The following DAB1 variants were observed in gnomAD, a reference collection of about 807,000 sequenced individuals.
DAB1 encodes the protein DAB adaptor protein 1.
A neutral mutation model predicts 64.6 loss-of-function variants in DAB1; 15 were observed. The ratio of observed to expected loss-of-function variants is 0.23; its 90% CI spans 0.16 to 0.36. The LOEUF is 0.36. Ranked by LOEUF, DAB1 falls within the 10% of genes least tolerant of loss-of-function variation. The probability of loss-of-function intolerance (pLI) is 1.00; values close to 1 mark genes in which losing one functional copy is unlikely to be tolerated. For synonymous variants in DAB1, 235 were observed against 251.9 expected (o/e 0.93, Z 0.64); for missense variants, 596 against 706.7 (o/e 0.84, Z 1.78).
intron 1 of DAB1, among the ~76,000 whole-genome samples, chr1:57,360,058 T>C (rs1679425455): frequency 1.3e-5 from 2 of 152,002 alleles, no homozygotes; most frequent in African/African-American, 2.4e-5. Context: ...TAACAATAAA[T>C]TGTATTCTTG....
At chr1:57,540,423 C>T (rs919383712) in intron 7 of DAB1, among the ~76,000 whole-genome samples, 16 of 152,242 alleles carry the variant, frequency 1.1e-4, no homozygotes, top group African/African-American at 3.9e-4. Flanking sequence ...AACTACCATA[C>T]GATCCAGCAA....
At chr1:58,247,119 A>T (rs12083021) in intron 4 of DAB1, among the ~76,000 whole-genome samples, 14,668 of 152,120 alleles carry the variant, frequency 0.096, 758 homozygotes, top group African/African-American at 0.15. Flanking sequence ...ACTGGAGGCC[A>T]GGAGATGAGC....
intron 9 of DAB1, among the ~76,000 whole-genome samples, chr1:57,029,578 G>T (rs983429026): frequency 1.6e-4 from 24 of 152,168 alleles, no homozygotes; most frequent in Admixed American, 1.5e-3. Context: ...AAGCAGCTGG[G>T]AGGGAGGCTG....
At chr1:57,271,853 A>G (rs751026164) in intron 2 of DAB1, among the ~76,000 whole-genome samples, 1 of 152,128 alleles carries the variant, frequency 6.6e-6, no homozygotes, top group Non-Finnish European at 1.5e-5. Flanking sequence ...TGATTGTTCC[A>G]AACTCTTGAA....
intron 7 of DAB1, among the ~76,000 whole-genome samples, chr1:57,622,233 T>C (rs1645868638): frequency 1.3e-5 from 2 of 152,182 alleles, no homozygotes; most frequent in Non-Finnish European, 2.9e-5. Flanking sequence ...GAGAGACTCT[T>C]ACTTCGGGTT....
intron 1 of DAB1, among the ~76,000 whole-genome samples, chr1:57,293,993 T>A (rs1353793996): frequency 6.6e-6 from 1 of 152,156 alleles, no homozygotes; most frequent in African/African-American, 2.4e-5. Flanking sequence ...AAAACTTAAA[T>A]AAGGAAGCTA....
chr1:58,322,291 G>A (rs1274124564), intron 4 of DAB1, among the ~76,000 whole-genome samples: 2 of 152,148 alleles, frequency 1.3e-5, no homozygotes, highest in African/African-American at 4.8e-5. Context: ...ACTACTATCA[G>A]AGTGAACAGG....
intron 1 of DAB1, among the ~76,000 whole-genome samples, chr1:57,292,672 A>C (rs1672869945): frequency 6.6e-6 from 1 of 152,194 alleles, no homozygotes; most frequent in Non-Finnish European, 1.5e-5. Context: ...AATATTTAGT[A>C]AGAATCTGCT....
In DAB1 at chr1:58,075,116, C is replaced by T. The variant is rs1649558675; in HGVS notation, n.387+75395G>A. Among the ~76,000 whole-genome samples, 3 of 152,188 alleles carry T rather than the reference C, an allele frequency of 2.0e-5. No individual in the cohort carries two copies. In the South Asian group the frequency reaches 6.2e-4, roughly 32 times the overall value. On this transcript the variant is annotated intron_variant and non_coding_transcript_variant, in intron 5 of 20. Transcript: ENST00000485760. ...TTCTCTGGATTCTAAAAGCTTGTCC[C>T]AGCCAATTAAATTCCAACCACCTAG... is the stretch of plus-strand genomic sequence containing the variant.
At chr1:57,005,925 G>C (rs956502600) in intron 14 of DAB1, among the ~76,000 whole-genome samples, 3 of 152,138 alleles carry the variant, frequency 2.0e-5, no homozygotes, top group African/African-American at 7.2e-5. Context: ...GTAAGTGAAA[G>C]GTATCATGAT....
intron 4 of DAB1, among the ~76,000 whole-genome samples, chr1:57,093,254 T>C (rs1053486862): frequency 8.5e-5 from 13 of 152,194 alleles, no homozygotes. Context: ...GTTAAAAATC[T>C]GGCACCTTGT....
chr1:57,769,759 G>A (rs1649475160), intron 6 of DAB1, among the ~76,000 whole-genome samples: 1 of 152,168 alleles, frequency 6.6e-6, no homozygotes, highest in Non-Finnish European at 1.5e-5. Flanking sequence ...AATAGAAACT[G>A]CTAAGAGTTC....
At chr1:57,152,249 A>G (rs1028938966) in intron 2 of DAB1, among the ~76,000 whole-genome samples, 2 of 152,152 alleles carry the variant, frequency 1.3e-5, no homozygotes, top group African/African-American at 4.8e-5. Context: ...CACATCCTTA[A>G]CACTTTCCTA....
At chr1:58,314,600 T>G (rs1285238939) in intron 4 of DAB1, among the ~76,000 whole-genome samples, 1 of 152,178 alleles carries the variant, frequency 6.6e-6, no homozygotes, top group Non-Finnish European at 1.5e-5. Context: ...TCATAATAAT[T>G]GTAGGAGGTA....
At chr1:57,690,954 G>A (rs994212727) in intron 6 of DAB1, among the ~76,000 whole-genome samples, 1 of 152,172 alleles carries the variant, frequency 6.6e-6, no homozygotes, top group Non-Finnish European at 1.5e-5. Context: ...TTTGAGAAGT[G>A]TCTATTTAAG....
chr1:57,714,525 A>T (rs1438473961), intron 6 of DAB1, among the ~76,000 whole-genome samples: 4 of 152,160 alleles, frequency 2.6e-5, no homozygotes, highest in Non-Finnish European at 5.9e-5. Flanking sequence ...TATTCTGGAG[A>T]TGTATAGCAT....
At chr1:58,391,516 G>A (rs896406883) in intron 3 of DAB1, among the ~76,000 whole-genome samples, 5 of 152,124 alleles carry the variant, frequency 3.3e-5, no homozygotes, top group Non-Finnish European at 7.4e-5. Context: ...ACTTGAATTC[G>A]GGCCTCCTTC....
rs202094751 is a variant in DAB1 at position 58,056,438 on chromosome 1, G to A, written n.387+94073C>T. On this transcript the variant is annotated intron_variant and non_coding_transcript_variant, in intron 5 of 20. Transcript: ENST00000485760. ...CAGCGAATAGGCTGCACGTGGCCGC[G>A]GCCCTTTTTGGCACGACCATTGTTC... is the stretch of plus-strand genomic sequence containing the variant. 1,280 of 1,533,620 alleles carry A rather than the reference G, an allele frequency of 8.3e-4. 3 individuals carry two copies. Among genetic ancestry groups the A allele is most frequent in the Non-Finnish European group, 9.7e-4 (1,092 of 1,120,490 alleles).
chr1:57,151,957 G>A (rs1367034304), intron 2 of DAB1, among the ~76,000 whole-genome samples: 1 of 151,862 alleles, frequency 6.6e-6, no homozygotes, highest in East Asian at 1.9e-4. Context: ...GGGGTTACAG[G>A]TGCCCGCCAC....
Sources: allele counts gnomAD v4.1 joint callset (sites outside exome capture counted in the v4.1 genomes callset), GRCh38; gene constraint gnomAD v4.1.1; transcripts MANE v1.5; gene names NCBI Gene and HGNC (gene_info 2026-07-23, HGNC 2026-07-21).